CSMD1: variants seen among roughly 807,000 people sequenced by gnomAD.
CSMD1 encodes the protein CUB and Sushi multiple domains 1, also known as CUB and sushi domain-containing protein 1.
In CSMD1, 213 loss-of-function variants were observed where a neutral mutation model predicts 417.5. The ratio of observed to expected loss-of-function variants is 0.51; its 90% CI spans 0.46 to 0.57. CSMD1 has a LOEUF of 0.57. Ranked by LOEUF, CSMD1 falls within the 20% of genes least tolerant of loss-of-function variation. The probability of loss-of-function intolerance (pLI) is 0.00; values close to 1 mark genes in which losing one functional copy is unlikely to be tolerated. For missense variants in CSMD1, 6,923 were observed against 4,529.7 expected (o/e 1.53, Z -15.17); for synonymous variants, 2,862 against 1,736.8 (o/e 1.65, Z -16.11).
chr8:4,569,134 G>A (rs1383366303), intron 2 of CSMD1, among the ~76,000 whole-genome samples: 1 of 152,134 alleles, frequency 6.6e-6, no homozygotes, highest in Non-Finnish European at 1.5e-5. Context: ...CTGTGCAGAA[G>A]CTCTTTATTT....
intron 12 of CSMD1, among the ~76,000 whole-genome samples, chr8:3,417,652 TGAA>T (rs36115635): frequency 6.6e-6 from 1 of 151,122 alleles, no homozygotes; most frequent in African/African-American, 2.4e-5. Context: ...CCATTTTCGC[TGAA>T]GAGAGAGTGA....
At chr8:3,820,831 A>G (rs1801695209) in intron 5 of CSMD1, among the ~76,000 whole-genome samples, 1 of 151,566 alleles carries the variant, frequency 6.6e-6, no homozygotes. Context: ...TGATCTGCTG[A>G]CCTCGACCTC....
rs576817474 is a variant in CSMD1 at position 3,321,562 on chromosome 8, C to G, written c.3632-13059G>C. Among the ~76,000 whole-genome samples the G allele has an allele frequency of 9.9e-5, 15 of 152,282 alleles. 1 individual carries two copies. In the South Asian group the frequency reaches 2.3e-3, roughly 23 times the overall value. ...TTACTTCGTCTAGAAATGAACCTCC[C>G]TGAACGCACGGGTAGCCCAGAGAAC... is the stretch of plus-strand genomic sequence containing the variant. On this transcript the variant is annotated intron_variant, in intron 23 of 69. Transcript: ENST00000635120.
chr8:4,295,100 A>C (rs924803156), intron 3 of CSMD1, among the ~76,000 whole-genome samples: 1 of 147,396 alleles, frequency 6.8e-6, no homozygotes, highest in African/African-American at 2.5e-5. Flanking sequence ...TTACACACAT[A>C]TAATCTTAAG....
chr8:3,091,662 C>T lies in CSMD1; in HGVS notation c.7139G>A (p.Gly2380Asp). ...KQFDALEVFDGSSGQSPLLVV... is the reference protein window; with the variant it reads ...KQFDALEVFDDSSGQSPLLVV... Reference sequence around the variant, plus strand: ...TAGCAGAGGACTTTGCCCAGAAGAACCTAAGTGAAACAGAAAAACAAAAAC... The same window carrying T: ...TAGCAGAGGACTTTGCCCAGAAGAATCTAAGTGAAACAGAAAAACAAAAAC... Residue 2380 changes from glycine (G) to aspartate (D), a missense_variant and splice_region_variant, in exon 48 of 70, where the codon GGT (glycine) becomes GAT (aspartate). Coordinates refer to ENST00000635120, the MANE Select transcript of CSMD1 (RefSeq NM_033225.6). The T allele has an allele frequency of 6.2e-7, 1 of 1,606,180 alleles. No homozygotes were observed. Among genetic ancestry groups the T allele is most frequent in the Non-Finnish European group, 8.5e-7 (1 of 1,178,170 alleles).
intron 3 of CSMD1, among the ~76,000 whole-genome samples, chr8:4,219,577 T>C (rs4461921): frequency 0.45 from 68,786 of 152,012 alleles, 16,504 homozygotes; most frequent in South Asian, 0.64. Context: ...TTAAAAATTA[T>C]TGGTCTCAAT....
At chr8:4,897,455 G>A (rs1227368502) in intron 1 of CSMD1, among the ~76,000 whole-genome samples, 1 of 152,004 alleles carries the variant, frequency 6.6e-6, no homozygotes, top group African/African-American at 2.4e-5. Flanking sequence ...ACTTGCTGAT[G>A]GGAATATCTT....
chr8:4,522,944 G>T (rs1250023171), intron 2 of CSMD1, among the ~76,000 whole-genome samples: 3 of 152,082 alleles, frequency 2.0e-5, no homozygotes, highest in African/African-American at 7.2e-5. Flanking sequence ...TGCTCTACTA[G>T]GGAAGAACCT....
rs1436930215 is a variant in CSMD1 at position 3,451,067 on chromosome 8, G to A, written c.1561+17645C>T. Among the ~76,000 whole-genome samples the A allele has an allele frequency of 5.3e-5, 8 of 152,198 alleles. No homozygotes were observed. The East Asian group carries it at 1.3e-3, about 26-fold the overall frequency. On this transcript the variant is annotated intron_variant, in intron 12 of 69. Transcript: ENST00000635120. The stretch of plus-strand genomic sequence containing the variant: ...GATTTGCATTTCTCTGATGGCCAGT[G>A]ATGACGAGCATTTTTTCACGTCTCT...
At chr8:3,297,053 G>GT (rs769277917) in intron 25 of CSMD1, among the ~76,000 whole-genome samples, 1 of 152,186 alleles carries the variant, frequency 6.6e-6, no homozygotes, top group Non-Finnish European at 1.5e-5. Context: ...GGATTCTGAA[G>GT]TACCTGGTCA....
chr8:2,961,376 C>T (rs1803467668), intron 61 of CSMD1, among the ~76,000 whole-genome samples, 162 bp from the exon 62 acceptor site: 1 of 152,108 alleles, frequency 6.6e-6, no homozygotes, highest in Non-Finnish European at 1.5e-5. Flanking sequence ...CTACTTTTAT[C>T]TTCTCTTCAA....
chr8:3,961,920 T>A (rs1812354388), intron 5 of CSMD1, among the ~76,000 whole-genome samples: 2 of 152,194 alleles, frequency 1.3e-5, no homozygotes, highest in Admixed American at 1.3e-4. Flanking sequence ...CAAAAACGAA[T>A]GGGCTTGGGC....
intron 1 of CSMD1, among the ~76,000 whole-genome samples, chr8:4,740,238 G>A (rs1292059233): frequency 6.6e-6 from 1 of 152,116 alleles, no homozygotes; most frequent in East Asian, 1.9e-4. Context: ...GAATCTCTAT[G>A]TGCAATTTCT....
At chr8:4,953,389 A>G (rs905299012) in intron 1 of CSMD1, among the ~76,000 whole-genome samples, 5 of 152,108 alleles carry the variant, frequency 3.3e-5, no homozygotes, top group Non-Finnish European at 5.9e-5. Context: ...CTATGCGATC[A>G]ACACATGTAA....
intron 30 of CSMD1, among the ~76,000 whole-genome samples, chr8:3,206,660 G>C (rs1310255483): frequency 6.9e-5 from 10 of 144,322 alleles, no homozygotes; most frequent in African/African-American, 2.6e-4. Flanking sequence ...GTATGTGTGT[G>C]GGGGTATGTC....
At chr8:4,437,200 C>A (rs1403021485) in intron 2 of CSMD1, among the ~76,000 whole-genome samples, 1 of 152,094 alleles carries the variant, frequency 6.6e-6, no homozygotes. Flanking sequence ...CTCAACAAAT[C>A]AAATCAATGA....
chr8:4,397,632 A>G (rs1235808589), intron 3 of CSMD1, among the ~76,000 whole-genome samples: 1 of 147,220 alleles, frequency 6.8e-6, no homozygotes, highest in Non-Finnish European at 1.5e-5. Context: ...AACAGACAAT[A>G]TGCATCACTT....
intron 1 of CSMD1, among the ~76,000 whole-genome samples, chr8:4,900,237 C>G (rs982046242): frequency 1.6e-4 from 24 of 152,282 alleles, no homozygotes; most frequent in African/African-American, 4.6e-4. Context: ...AACCTCCCTT[C>G]GAGCTTCACC....
chr8:4,399,211 T>C (rs911667852), intron 3 of CSMD1, among the ~76,000 whole-genome samples: 1 of 152,178 alleles, frequency 6.6e-6, no homozygotes, highest in African/African-American at 2.4e-5. Flanking sequence ...TACTATGTGT[T>C]TAAATATATG....
Sources: allele counts gnomAD v4.1 joint callset (sites outside exome capture counted in the v4.1 genomes callset), GRCh38; gene constraint gnomAD v4.1.1; transcripts MANE v1.5; gene names NCBI Gene and HGNC (gene_info 2026-07-23, HGNC 2026-07-21).